The following FAM234A variants were observed in gnomAD, a reference collection of about 807,000 sequenced individuals.
FAM234A encodes protein FAM234A.
A neutral mutation model predicts 49.1 loss-of-function variants in FAM234A; 42 were observed. The ratio of observed to expected loss-of-function variants is 0.86; its 90% CI spans 0.67 to 1.11. The LOEUF (loss-of-function observed/expected upper bound fraction) is 1.11. Among genes scored for constraint, FAM234A ranks in the 50% least tolerant of loss-of-function variants. The pLI is 0.00. For synonymous variants in FAM234A, 369 were observed against 316.2 expected (o/e 1.17, Z -1.77); for missense variants, 815 against 745.2 (o/e 1.09, Z -1.09).
chr16:249,833 C>G (rs1186807632), intron 2 of FAM234A, among the ~76,000 whole-genome samples, 179 bp downstream of exon 2: 1 of 152,064 alleles, frequency 6.6e-6, no homozygotes, highest in Non-Finnish European at 1.5e-5. Context: ...AATTTTAAAG[C>G]TCTTAAGTTT....
chr16:244,220 G>T (rs559873140), intron 1 of FAM234A, among the ~76,000 whole-genome samples: 3 of 151,190 alleles, frequency 2.0e-5, no homozygotes, highest in African/African-American at 7.4e-5. Flanking sequence ...CACCCGCCTT[G>T]GCCTCCCAAA....
chr16:258,222 T>A (rs1361292779), intron 3 of FAM234A, among the ~76,000 whole-genome samples: 1 of 151,370 alleles, frequency 6.6e-6, no homozygotes. Flanking sequence ...GGCAGGGTCA[T>A]ACGACAATAG....
intron 5 of FAM234A, 143 bp from the exon 6 acceptor site, chr16:261,241 C>T: frequency 2.2e-6 from 2 of 924,926 alleles, no homozygotes; most frequent in Non-Finnish European, 1.6e-6. Flanking sequence ...CTCCTGTTGG[C>T]ATCTGCTCTG....
At chr16:269,381 A>G (rs998529148), downstream of FAM234A, 103 of 1,600,534 alleles carry the variant, frequency 6.4e-5, no homozygotes, top group Non-Finnish European at 8.4e-5. Context: ...AAACGGGAAC[A>G]CGCTGTGGGC....
At chr16:256,079 G>A (rs905238396) in intron 3 of FAM234A, among the ~76,000 whole-genome samples, 5 of 152,198 alleles carry the variant, frequency 3.3e-5, no homozygotes, top group African/African-American at 4.8e-5. Flanking sequence ...GTGTCTTTCC[G>A]TTGCTGAGCA....
At chr16:260,633 G>C (rs755788839) in intron 5 of FAM234A, 7 of 473,048 alleles carry the variant, frequency 1.5e-5, no homozygotes, top group South Asian at 1.1e-4. Context: ...ACGAGGGAAA[G>C]AATGCGTGGT....
At chr16:242,735 C>T (rs1261214213) in intron 1 of FAM234A, among the ~76,000 whole-genome samples, 1 of 151,638 alleles carries the variant, frequency 6.6e-6, no homozygotes, top group African/African-American at 2.4e-5. Flanking sequence ...GCCTCAGCCT[C>T]CTGAGTAGCT....
intron 4 of FAM234A, 106 bp from the exon 5 acceptor site, chr16:259,863 C>T (rs1397842514): frequency 3.9e-6 from 4 of 1,037,196 alleles, no homozygotes; most frequent in Non-Finnish European, 5.7e-6. Flanking sequence ...GGGCTGTGGC[C>T]TAGGAGAGGT....
chr16:241,708 C>T (rs368092878), intron 1 of FAM234A, among the ~76,000 whole-genome samples: 1 of 151,866 alleles, frequency 6.6e-6, no homozygotes, highest in Admixed American at 6.6e-5. Flanking sequence ...ACGAGGTCAG[C>T]AGATCGAGAC....
downstream of FAM234A, chr16:268,800 G>A (rs2051786287): frequency 6.5e-7 from 1 of 1,550,368 alleles, no homozygotes; most frequent in South Asian, 1.2e-5. Context: ...ACAGCGGAGA[G>A]GCTCTTGGAC....
chr16:264,908 G>A lies in FAM234A; in HGVS notation c.1545G>A (p.Lys515=). 2 of 1,613,076 alleles carry A rather than the reference G, an allele frequency of 1.2e-6. No homozygotes were observed. The highest frequency in any genetic ancestry group is 8.5e-7 in the Non-Finnish European group (1 of 1,179,950). ...APGLVSVIKH[K]VRDLVPSSRV... ...GCCTGGTCTCTGTGATCAAGCACAAGGTGCGGGACCTTGTCCCAAGCAGCA... is the reference window on the plus strand; with the variant it reads ...GCCTGGTCTCTGTGATCAAGCACAAAGTGCGGGACCTTGTCCCAAGCAGCA... The change falls in exon 13 of 13, where the codon AAG becomes AAA. Residue 515 remains lysine, a synonymous_variant. Coordinates refer to ENST00000399932, the MANE Select transcript of FAM234A (RefSeq NM_032039.4).
intron 1 of FAM234A, among the ~76,000 whole-genome samples, chr16:246,031 C>T (rs749023885): frequency 2.0e-5 from 3 of 151,628 alleles, no homozygotes; most frequent in Non-Finnish European, 4.4e-5. Flanking sequence ...ATGGTGAAAC[C>T]GTCTCTACTA....
downstream of FAM234A, chr16:268,699 G>A (rs1385283321): frequency 6.9e-7 from 1 of 1,457,752 alleles, no homozygotes; most frequent in Non-Finnish European, 9.3e-7. Flanking sequence ...GTTTGGCGAG[G>A]GAGGAATAGG....
chr16:254,190 G>A, intron 2 of FAM234A, 191 bp from the exon 3 acceptor site: 1 of 590,160 alleles, frequency 1.7e-6, no homozygotes, highest in Non-Finnish European at 3.0e-6. Flanking sequence ...ACACTAATTA[G>A]AGACCTTCTT....
downstream of FAM234A, chr16:268,650 A>T: frequency 1.1e-6 from 1 of 932,914 alleles, no homozygotes; most frequent in East Asian, 2.6e-5. Context: ...GAGGTGGGAA[A>T]GCAGGTGCCG....
Position 261,356 on chromosome 16 carries a change from C to T in FAM234A, c.578-28C>T, listed in dbSNP as rs774310414. On this transcript the variant is annotated intron_variant, in intron 5 of 12. Transcript: ENST00000399932. Reference sequence around the variant, plus strand: ...TGCTGTTGAAGGGGACTCAGGGCCACGTTCCGTGACCGTGTGCTTGATTCT... The same window carrying T: ...TGCTGTTGAAGGGGACTCAGGGCCATGTTCCGTGACCGTGTGCTTGATTCT... 42 of 1,595,536 alleles carry T rather than the reference C, an allele frequency of 2.6e-5. No individual in the cohort carries two copies. The Admixed American group carries it at 4.5e-4, about 17-fold the overall frequency.
rs2051596641 is a variant in FAM234A, at chr16:264,121, T to C, written c.1294T>C (p.Ser432Pro). The C allele has an allele frequency of 6.2e-7, 1 of 1,610,430 alleles. No individual in the cohort carries two copies. The highest frequency in any genetic ancestry group is 8.5e-7 in the Non-Finnish European group (1 of 1,179,806). Residue 432 changes from serine to proline, a missense_variant, in exon 11 of 13, where the codon TCA becomes CCA. Transcript: ENST00000399932. The part of the protein sequence containing the change: ...SASLPTADHR[S>P]AFFFWGLHEL... The stretch of plus-strand genomic sequence containing the variant: ...CAGCCTGCCGACCGCAGACCACCGC[T>C]CAGCCTTCTTCTTCTGGGGCCTCCA...
rs903657105 is a variant in FAM234A, at chr16:264,801, C to T, written c.1448-10C>T. The T allele has an allele frequency of 3.7e-6, 6 of 1,607,754 alleles. No individual in the cohort carries two copies. The African/African-American group carries it at 4.0e-5, about 11-fold the overall frequency. ...GAGCCGCCCTGACAGCTGTGTCCCC[C>T]ACCCTGCAGCCGTCCTGTTTGAGCC... is the stretch of plus-strand genomic sequence containing the variant. On this transcript the variant is annotated splice_polypyrimidine_tract_variant and intron_variant, in intron 12 of 12. Transcript: ENST00000399932.
Position 262,269 on chromosome 16 carries a change from G to A in FAM234A, c.841+44G>A, listed in dbSNP as rs183417174. 15 of 1,607,890 alleles carry A rather than the reference G, an allele frequency of 9.3e-6. No homozygotes were observed. The African/African-American group carries it at 1.3e-4, about 14-fold the overall frequency. On this transcript the variant is annotated intron_variant, in intron 7 of 12. Coordinates refer to ENST00000399932, the MANE Select transcript of FAM234A (RefSeq NM_032039.4). ...ATCCCTGGCCAGCCTCACTCGTGGAGCATGACTGCCCTGCGGCTCCTCAGG... is the reference window on the plus strand; with the variant it reads ...ATCCCTGGCCAGCCTCACTCGTGGAACATGACTGCCCTGCGGCTCCTCAGG...
Sources: allele counts gnomAD v4.1 joint callset (sites outside exome capture counted in the v4.1 genomes callset), GRCh38; gene constraint gnomAD v4.1.1; transcripts MANE v1.5; gene names NCBI Gene and HGNC (gene_info 2026-07-23, HGNC 2026-07-21).